AP3D1: variants seen among roughly 807,000 people sequenced by gnomAD.
AP3D1 encodes the protein adaptor related protein complex 3 subunit delta 1, also known as AP-3 complex subunit delta-1.
Under a neutral mutation model 147.6 loss-of-function variants are expected in AP3D1, and 51 were observed. The ratio of observed to expected loss-of-function variants is 0.35; its 90% confidence interval spans 0.28 to 0.44. The LOEUF is 0.44. Among genes scored for constraint, AP3D1 ranks in the 20% least tolerant of loss-of-function variants. The pLI is 1.00. For missense variants in AP3D1, 1,421 were observed against 1,624.2 expected, an observed-to-expected ratio of 0.87 and a Z score of 2.15; for synonymous variants, 760 against 663.0, an observed-to-expected ratio of 1.15 and a Z score of -2.25.
chr19:2,106,818 G>A (rs2018123612), intron 31 of AP3D1, among the ~76,000 whole-genome samples: 1 of 152,198 alleles, frequency 6.6e-6, no homozygotes, highest in African/African-American at 2.4e-5. Flanking sequence ...TACATTCCGT[G>A]TGGTTCCACT....
chr19:2,158,940 T>A (rs1032135244), intron 1 of AP3D1, among the ~76,000 whole-genome samples: 6 of 152,178 alleles, frequency 3.9e-5, no homozygotes, highest in Admixed American at 2.6e-4. Context: ...GCTTGGAGGT[T>A]AGAAGCAAAA....
intron 31 of AP3D1, among the ~76,000 whole-genome samples, chr19:2,104,163 C>CCAACACCGAGACACCAACGCTGAGACCG: frequency 8.7e-6 from 1 of 114,530 alleles, no homozygotes; most frequent in African/African-American, 3.0e-5. Context: ...CACTCAGACT[C>CCAACACCGAGACACCAACGCTGAGACCG]CAACACCGAG....
intron 15 of AP3D1, among the ~76,000 whole-genome samples, chr19:2,117,821 G>A (rs747569291): frequency 6.6e-6 from 1 of 152,226 alleles, no homozygotes; most frequent in Non-Finnish European, 1.5e-5. Context: ...CAGCCTTGAA[G>A]CTGGGTCTCC....
In AP3D1 at chr19:2,146,498, G is replaced by A. The variant is rs552428572; in HGVS notation, c.96+4741C>T. 1.2e-3 allele frequency among the ~76,000 whole-genome samples: 179 copies of A among 151,952 alleles called. 2 individuals are homozygous for A. The highest frequency in any genetic ancestry group is 0.01 in the Middle Eastern group (3 of 294). ...GGCCACCTGTAATCCCAGCTACTTC[G>A]GAGGCTGAGGCAGGAGAATCACTTG... On this transcript the variant is annotated intron_variant, in intron 1 of 31. Transcript: ENST00000643116.
upstream of AP3D1, among the ~76,000 whole-genome samples, chr19:2,156,284 T>C (rs1172606391): frequency 1.3e-5 from 2 of 152,074 alleles, no homozygotes; most frequent in East Asian, 1.9e-4. Flanking sequence ...CCAGCCCGAA[T>C]CAGTTACCTT....
At chr19:2,163,426 A>G (rs900606980) in intron 1 of AP3D1, among the ~76,000 whole-genome samples, 6 of 151,166 alleles carry the variant, frequency 4.0e-5, no homozygotes, top group Non-Finnish European at 8.8e-5. Flanking sequence ...TCCTGACCTC[A>G]GGTGATCTGC....
upstream of AP3D1, among the ~76,000 whole-genome samples, chr19:2,154,712 TCATGCCC>T (rs1328211973): frequency 6.6e-6 from 1 of 152,228 alleles, no homozygotes; most frequent in Non-Finnish European, 1.5e-5. Flanking sequence ...CCAGAGAAGG[TCATGCCC>T]CATACCCTGG....
intron 12 of AP3D1, 74 bp downstream of exon 12, chr19:2,121,660 G>C: frequency 6.6e-7 from 1 of 1,510,444 alleles, no homozygotes; most frequent in Non-Finnish European, 8.8e-7. Context: ...ATTCCACGTG[G>C]CTCTGCACCT....
intron 1 of AP3D1, among the ~76,000 whole-genome samples, chr19:2,162,316 G>A (rs1304088845): frequency 2.7e-5 from 4 of 147,736 alleles, no homozygotes; most frequent in Non-Finnish European, 1.5e-5. Context: ...GATTACAAGC[G>A]TGAGCCACCG....
At position 2,123,812 on chromosome 19, in the gene AP3D1, G is replaced by A. The variant is rs777958631; in HGVS notation, c.906+18C>T. ...TGCAGTGTGGGACCCCATGGGCCCC[G>A]CCCAGTGCGGGACGTACCTGGATGC... On this transcript the variant is annotated intron_variant, in intron 10 of 31. Coordinates refer to ENST00000643116, the MANE Select transcript of AP3D1 (RefSeq NM_001261826.3). The A allele has an allele frequency of 2.9e-5, 45 of 1,561,548 alleles. No homozygotes were observed. The highest frequency in any genetic ancestry group is 2.5e-4 in the Admixed American group (13 of 52,784).
intron 9 of AP3D1, 48 bp from the exon 10 acceptor site, chr19:2,123,927 G>C (rs375725683): frequency 5.7e-5 from 89 of 1,552,274 alleles, no homozygotes; most frequent in Non-Finnish European, 7.2e-5. Context: ...CATGGCCAGC[G>C]CCGACACCAA....
At chr19:2,152,168 G>T (rs2019549013), upstream of AP3D1, among the ~76,000 whole-genome samples, 1 of 152,190 alleles carries the variant, frequency 6.6e-6, no homozygotes, top group Non-Finnish European at 1.5e-5. Context: ...GCATGGTAAG[G>T]GGTGCTGGGC....
chr19:2,106,127 G>A (rs969569436), intron 31 of AP3D1, among the ~76,000 whole-genome samples: 20 of 152,132 alleles, frequency 1.3e-4, no homozygotes, highest in African/African-American at 2.9e-4. Context: ...GCACGATGAC[G>A]ACAGGTGAAG....
rs998471690 is a variant in AP3D1 at position 2,110,239 on chromosome 19, A to G, written c.3176-15T>C. On this transcript the variant is annotated splice_polypyrimidine_tract_variant and intron_variant, in intron 27 of 31. Coordinates refer to ENST00000643116, the MANE Select transcript of AP3D1 (RefSeq NM_001261826.3). ...GTTGGAGACGCCTGGCGGGGGCGAG[A>G]GGGAGTGGGGCCTGAGACGCTGCGG... The G allele has an allele frequency of 6.2e-7, 1 of 1,609,690 alleles. No homozygotes were observed. Among genetic ancestry groups the G allele is most frequent in the Non-Finnish European group, 8.5e-7 (1 of 1,179,268 alleles).
rs1286592439 is a variant in AP3D1 at position 2,101,130 on chromosome 19, T to G, written c.*1043A>C. The G allele has an allele frequency of 6.6e-6, 1 of 152,652 alleles. No homozygotes were observed. The highest frequency in any genetic ancestry group is 1.5e-5 in the Non-Finnish European group (1 of 68,040). The allele number at this position is 152,652 out of a possible 1,614,324, so 9.5% of individuals were successfully genotyped here. ...CATCATACAATTTCAAATCCTGGAATCACTGCATGGGATTCTGTAATGGAT... is the reference window on the plus strand; with the variant it reads ...CATCATACAATTTCAAATCCTGGAAGCACTGCATGGGATTCTGTAATGGAT... On this transcript the variant is annotated 3_prime_UTR_variant, in exon 32 of 32. Transcript: ENST00000643116.
chr19:2,157,566 TACCCATCC>T lies in AP3D1; in HGVS notation c.-103+6782_-103+6789del, dbSNP rs995265609. Among the ~76,000 whole-genome samples the T allele has an allele frequency of 1.8e-4, 25 of 139,714 alleles. 1 individual carries two copies. The South Asian group carries it at 6.0e-3, about 33-fold the overall frequency. 91.7% of individuals were successfully genotyped at this position (139,714 alleles called of 152,430 possible). On this transcript the variant is annotated intron_variant, in intron 1 of 14. Coordinates refer to the AP3D1 transcript ENST00000643010. Reference sequence around the variant, plus strand: ...CCATCCATCCATCCATCTACCCATCTACCCATCCACCCATCCACCCACCGACTCATCCA... The same window carrying T: ...CCATCCATCCATCCATCTACCCATCTACCCATCCACCCACCGACTCATCCA...
chr19:2,147,839 C>T (rs2019401054), intron 1 of AP3D1, among the ~76,000 whole-genome samples: 2 of 146,140 alleles, frequency 1.4e-5, no homozygotes, highest in African/African-American at 5.1e-5. Context: ...GAGCCGAGAT[C>T]GTGCCACTGC....
At chr19:2,111,376 C>T (rs375795977) in intron 25 of AP3D1, 44 bp from the exon 26 acceptor site, 217 of 1,610,690 alleles carry the variant, frequency 1.3e-4, no homozygotes, top group Non-Finnish European at 1.7e-4. Context: ...CCCCGAGCTC[C>T]GTCTCAGCGA....
chr19:2,144,513 T>TGCCTAGTCCAGCCCC (rs2019307136), intron 1 of AP3D1, among the ~76,000 whole-genome samples: 1 of 152,166 alleles, frequency 6.6e-6, no homozygotes, highest in African/African-American at 2.4e-5. Context: ...CGGCCAGCCC[T>TGCCTAGTCCAGCCCC]GCCTAGTCCA....
Sources: allele counts gnomAD v4.1 joint callset (sites outside exome capture counted in the v4.1 genomes callset), GRCh38; gene constraint gnomAD v4.1.1; transcripts MANE v1.5; gene names NCBI Gene and HGNC (gene_info 2026-07-23, HGNC 2026-07-21).